The following USP34 variants were observed in gnomAD, a reference collection of about 807,000 sequenced individuals.
USP34 encodes the protein ubiquitin carboxyl-terminal hydrolase 34.
In USP34, 70 loss-of-function variants were observed where a neutral mutation model predicts 460.3. The observed-to-expected ratio is 0.15, with a 90% confidence interval of 0.13 to 0.19. The LOEUF (loss-of-function observed/expected upper bound fraction) is 0.19. Ranked by LOEUF, USP34 falls within the 10% of genes least tolerant of loss-of-function variation. USP34 has a pLI of 1.00. For missense variants in USP34, 3,985 were observed against 4,236.2 expected, an observed-to-expected ratio of 0.94 and a Z score of 1.65; for synonymous variants, 1,647 against 1,405.3, an observed-to-expected ratio of 1.17 and a Z score of -3.85.
Position 61,214,584 on chromosome 2 carries a change from T to C in USP34, c.8158A>G (p.Thr2720Ala). The change falls in exon 68 of 80, where the codon ACA becomes GCA. Residue 2720 changes from threonine (T) to alanine (A), a missense_variant. Coordinates refer to ENST00000398571, the MANE Select transcript of USP34 (RefSeq NM_014709.4). ...PTRDLPLSPD[T>A]TVVLHQVYNV... is the part of the protein sequence containing the mutation. ...TAGACCTGATGTAGGACTACTGTTG[T>C]GTCTGGACTGAGTGGAAGGTCACGG... 6.2e-7 allele frequency: 1 copy of C among 1,614,040 alleles called. No homozygotes were observed. Among genetic ancestry groups the C allele is most frequent in the Non-Finnish European group, 8.5e-7 (1 of 1,179,930 alleles).
At chr2:61,365,043 G>A (rs922645142) in intron 10 of USP34, among the ~76,000 whole-genome samples, 2 of 152,098 alleles carry the variant, frequency 1.3e-5, no homozygotes, top group Admixed American at 1.3e-4. Context: ...CACAAGGTTA[G>A]GAGTTTGAGA....
At chr2:61,291,502 T>C (rs1252057282) in intron 33 of USP34, among the ~76,000 whole-genome samples, 1 of 152,200 alleles carries the variant, frequency 6.6e-6, no homozygotes, top group Non-Finnish European at 1.5e-5. Flanking sequence ...ATGCAGATGT[T>C]CACCGACTGA....
At chr2:61,343,243 T>G (rs1467071126) in intron 16 of USP34, among the ~76,000 whole-genome samples, 1 of 152,158 alleles carries the variant, frequency 6.6e-6, no homozygotes. Context: ...TTTTCTTGCT[T>G]TACTCATTAA....
chr2:61,190,413 A>G lies in USP34; in HGVS notation c.9731T>C (p.Val3244Ala). The change falls in exon 78 of 80, where the codon GTT becomes GCT. Residue 3244 changes from valine to alanine, a missense_variant and splice_region_variant. Physicochemically the swap from Val to Ala is moderately conservative, Grantham distance 64. Transcript: ENST00000398571. The stretch of plus-strand genomic sequence containing the variant: ...TGCTTCAGAAAACACTTGACTTTGA[A>G]CCTGAAAAAGAAGATTTAAAAAAAT... ...YTFMTHFLLK[V>A]QSQVFSEANC... 1 of 1,602,314 alleles carries G rather than the reference A, an allele frequency of 6.2e-7. No individual in the cohort carries two copies. Among genetic ancestry groups the G allele is most frequent in the Non-Finnish European group, 8.5e-7 (1 of 1,176,518 alleles).
intron 67 of USP34, among the ~76,000 whole-genome samples, chr2:61,215,426 C>G (rs1487828756): frequency 6.6e-6 from 1 of 152,154 alleles, no homozygotes; most frequent in Non-Finnish European, 1.5e-5. Context: ...CTTTAGAAGT[C>G]TTTTAAGGCT....
intron 8 of USP34, among the ~76,000 whole-genome samples, chr2:61,375,302 T>C (rs1174640067): frequency 6.6e-6 from 1 of 152,138 alleles, no homozygotes; most frequent in Non-Finnish European, 1.5e-5. Flanking sequence ...AGTGGGGATG[T>C]AAAATAATGC....
intron 21 of USP34, among the ~76,000 whole-genome samples, 192 bp downstream of exon 21, chr2:61,325,183 C>G (rs1691048122): frequency 6.6e-6 from 1 of 151,190 alleles, no homozygotes; most frequent in Admixed American, 6.6e-5. Flanking sequence ...ACAAGAAGCC[C>G]AATCCCTACC....
intron 27 of USP34, among the ~76,000 whole-genome samples, chr2:61,309,557 G>A (rs980441013): frequency 2.6e-5 from 4 of 152,084 alleles, no homozygotes; most frequent in African/African-American, 9.7e-5. Context: ...AAGAATGGAC[G>A]ACGAATCTGG....
rs147090037 is a variant in USP34 at position 61,391,177 on chromosome 2, G to A, written c.753+3676C>T. Reference sequence around the variant, plus strand: ...AGTGAGGAAATCAGCCAGGTGCAATGGCACACACCTGTAATCCCAGCACTT... The same window carrying A: ...AGTGAGGAAATCAGCCAGGTGCAATAGCACACACCTGTAATCCCAGCACTT... On this transcript the variant is annotated intron_variant, in intron 5 of 79. Transcript: ENST00000398571. 4.7e-4 allele frequency among the ~76,000 whole-genome samples: 72 copies of A among 152,108 alleles called. 1 individual carries two copies. In the East Asian group the frequency reaches 0.011, roughly 23 times the overall value.
chr2:61,406,310 T>A (rs1018578006), intron 2 of USP34, among the ~76,000 whole-genome samples, 182 bp from the exon 3 acceptor site: 2 of 152,176 alleles, frequency 1.3e-5, no homozygotes, highest in African/African-American at 4.8e-5. Flanking sequence ...ATATTTTAGT[T>A]AGTGTAAAGT....
chr2:61,322,927 A>T (rs1690970383), intron 21 of USP34, among the ~76,000 whole-genome samples: 1 of 151,540 alleles, frequency 6.6e-6, no homozygotes, highest in Non-Finnish European at 1.5e-5. Flanking sequence ...AATTGGCTGA[A>T]TCACCAATCC....
In USP34 at chr2:61,237,797, A is replaced by T. The variant is rs181103955; in HGVS notation, c.6778-1408T>A. On this transcript the variant is annotated intron_variant, in intron 53 of 79. Coordinates refer to ENST00000398571, the MANE Select transcript of USP34 (RefSeq NM_014709.4). ...TGCCCTGTTGCCCAGGCTGGTCTTG[A>T]ACTCCTGGGGTCAAGCAATCCACCT... Among the ~76,000 whole-genome samples, 187 of 150,110 alleles carry T rather than the reference A, an allele frequency of 1.2e-3. 3 individuals carry two copies. The highest frequency in any genetic ancestry group is 0.012 in the Admixed American group (185 of 15,092).
At chr2:61,438,573 C>T (rs1436916054) in intron 1 of USP34, among the ~76,000 whole-genome samples, 1 of 152,040 alleles carries the variant, frequency 6.6e-6, no homozygotes, top group Non-Finnish European at 1.5e-5. Flanking sequence ...GCACTCCAGC[C>T]TGGGCGACAA....
intron 1 of USP34, among the ~76,000 whole-genome samples, chr2:61,445,539 A>G (rs1695089561): frequency 6.6e-6 from 1 of 151,568 alleles, no homozygotes; most frequent in African/African-American, 2.4e-5. Context: ...CGTCTCAAAA[A>G]AAAAAAAAAA....
chr2:61,348,838 T>G lies in USP34; in HGVS notation c.1592A>C (p.Gln531Pro). 1 of 1,613,904 alleles carries G rather than the reference T, an allele frequency of 6.2e-7. No individual in the cohort carries two copies. The highest frequency in any genetic ancestry group is 8.5e-7 in the Non-Finnish European group (1 of 1,179,886). Residue 531 changes from glutamine to proline, a missense_variant, in exon 14 of 80, where the codon CAA becomes CCA. Gln to Pro is a moderately conservative substitution (Grantham distance 76). Around this residue, in one of 14 missense-constraint regions of USP34, gnomAD observed 716 missense variants for 626.2 expected, o/e 1.14. Transcript: ENST00000398571. ...PQSSDNSDTHQSGGSDIEMDE... is the reference protein window; with the variant it reads ...PQSSDNSDTHPSGGSDIEMDE... Reference sequence around the variant, plus strand: ...CATTTCAATGTCACTACCTCCACTTTGATGTGTATCGCTATTATCACTGCT... The same window carrying G: ...CATTTCAATGTCACTACCTCCACTTGGATGTGTATCGCTATTATCACTGCT...
At position 61,272,689 on chromosome 2, in the gene USP34, G is replaced by A. The variant is rs375788118; in HGVS notation, c.5433+5476C>T. 1.2e-3 allele frequency among the ~76,000 whole-genome samples: 186 copies of A among 152,284 alleles called. 1 individual carries two copies. The highest frequency in any genetic ancestry group is 4.2e-3 in the African/African-American group (176 of 41,538). On this transcript the variant is annotated intron_variant, in intron 41 of 79. Transcript: ENST00000398571. The stretch of plus-strand genomic sequence containing the variant: ...AATTCAGATCACATCTCTCCTGTAT[G>A]AAAGCTTCTAAAGTTTTCCCTTAAC...
chr2:61,239,024 G>T (rs899798886), intron 53 of USP34, among the ~76,000 whole-genome samples: 1 of 151,384 alleles, frequency 6.6e-6, no homozygotes, highest in African/African-American at 2.4e-5. Flanking sequence ...TATGATTTTT[G>T]ATGTTACTGT....
chr2:61,394,485 C>CAGG (rs1374553801), intron 5 of USP34, among the ~76,000 whole-genome samples: 1 of 143,772 alleles, frequency 7.0e-6, no homozygotes, highest in African/African-American at 2.6e-5. Context: ...CACCTGAGCC[C>CAGG]AGGAGGTAGA....
chr2:61,218,687 T>A (rs1687472714), intron 67 of USP34, among the ~76,000 whole-genome samples: 1 of 152,074 alleles, frequency 6.6e-6, no homozygotes, highest in South Asian at 2.1e-4. Context: ...TCTAATGACC[T>A]TTACAGTTTC....
Sources: allele counts gnomAD v4.1 joint callset (sites outside exome capture counted in the v4.1 genomes callset), GRCh38; gene constraint gnomAD v4.1.1; regional missense constraint gnomAD v4.1.1; transcripts MANE v1.5; gene names NCBI Gene and HGNC (gene_info 2026-07-23, HGNC 2026-07-21).